The following IGF2BP2 variants were observed in gnomAD, a reference collection of about 807,000 sequenced individuals.
IGF2BP2 encodes insulin like growth factor 2 mRNA binding protein 2, also known as insulin-like growth factor 2 mRNA-binding protein 2.
In IGF2BP2, 17 loss-of-function variants were observed where a neutral mutation model predicts 75.8. The ratio of observed to expected loss-of-function variants is 0.22; its 90% CI spans 0.15 to 0.34. IGF2BP2 has a LOEUF of 0.34. Among genes scored for constraint, IGF2BP2 ranks in the 10% least tolerant of loss-of-function variants. The pLI is 1.00. For synonymous variants in IGF2BP2, 288 were observed against 295.6 expected, an observed-to-expected ratio of 0.97 and a Z score of 0.26; for missense variants, 516 against 772.4, an observed-to-expected ratio of 0.67 and a Z score of 3.93.
At chr3:185,791,055 GGAGTTTCTA>G (rs1736579954) in intron 2 of IGF2BP2, among the ~76,000 whole-genome samples, 1 of 152,174 alleles carries the variant, frequency 6.6e-6, no homozygotes, top group South Asian at 2.1e-4. Context: ...TAAAATAGCA[GGAGTTTCTA>G]GATGACAATT....
intron 2 of IGF2BP2, among the ~76,000 whole-genome samples, chr3:185,755,577 A>C (rs534347653): frequency 6.6e-6 from 1 of 152,344 alleles, no homozygotes; most frequent in Admixed American, 6.5e-5. Context: ...GAGAGCAGCC[A>C]TGTGGGCTGT....
At position 185,644,751 on chromosome 3, in the gene IGF2BP2, G is replaced by A. The variant is rs765706583; in HGVS notation, c.*780C>T. ...AAAAAACCAGTTTAAAACCTGTGAAGCAAAGAGAAATGGGTGTATGAGCTA... is the reference window on the plus strand; with the variant it reads ...AAAAAACCAGTTTAAAACCTGTGAAACAAAGAGAAATGGGTGTATGAGCTA... On this transcript the variant is annotated 3_prime_UTR_variant, in exon 16 of 16. Coordinates refer to ENST00000382199, the MANE Select transcript of IGF2BP2 (RefSeq NM_006548.6). 6.6e-6 allele frequency: 1 copy of A among 152,666 alleles called. No individual in the cohort carries two copies. Among genetic ancestry groups the A allele is most frequent in the Non-Finnish European group, 1.5e-5 (1 of 68,048 alleles). The allele number at this position is 152,666 out of a possible 1,614,324, so 9.5% of individuals were successfully genotyped here.
chr3:185,654,412 C>A (rs952503298), intron 12 of IGF2BP2, among the ~76,000 whole-genome samples: 1 of 152,196 alleles, frequency 6.6e-6, no homozygotes, highest in Non-Finnish European at 1.5e-5. Flanking sequence ...CAAGAGAGAG[C>A]AGATCATGGC....
chr3:185,760,491 C>G (rs1356187911), intron 2 of IGF2BP2, among the ~76,000 whole-genome samples: 2 of 152,216 alleles, frequency 1.3e-5, no homozygotes, highest in Admixed American at 1.3e-4. Context: ...TATTTAACTT[C>G]TGAACATTTC....
At chr3:185,683,790 C>T (rs1042898547) in intron 7 of IGF2BP2, among the ~76,000 whole-genome samples, 2 of 152,140 alleles carry the variant, frequency 1.3e-5, no homozygotes, top group Non-Finnish European at 2.9e-5. Context: ...GGAAGGGATG[C>T]CCTCTCCCTC....
At chr3:185,700,171 A>G (rs1254561002) in intron 2 of IGF2BP2, among the ~76,000 whole-genome samples, 1 of 152,064 alleles carries the variant, frequency 6.6e-6, no homozygotes, top group Non-Finnish European at 1.5e-5. Context: ...ACAGCCCCAG[A>G]GAGAAATGTT....
In IGF2BP2 at chr3:185,730,422, A is replaced by G. The variant is rs1278751910; in HGVS notation, c.240-32075T>C. ...GGTACGATGATAAACATACAAGCGCAGGTGTCTTTTTTTTTTTTTTTTTTT... is the reference window on the plus strand; with the variant it reads ...GGTACGATGATAAACATACAAGCGCGGGTGTCTTTTTTTTTTTTTTTTTTT... On this transcript the variant is annotated intron_variant, in intron 2 of 15. Coordinates refer to ENST00000382199, the MANE Select transcript of IGF2BP2 (RefSeq NM_006548.6). Among the ~76,000 whole-genome samples the G allele has an allele frequency of 2.8e-5, 4 of 144,594 alleles. No homozygotes were observed. The East Asian group carries it at 6.1e-4, about 22-fold the overall frequency. 94.9% of individuals were successfully genotyped at this position (144,594 alleles called of 152,430 possible).
chr3:185,745,577 G>A (rs1028589944), intron 2 of IGF2BP2, among the ~76,000 whole-genome samples: 1 of 152,132 alleles, frequency 6.6e-6, no homozygotes, highest in Non-Finnish European at 1.5e-5. Context: ...ACCAAGAGAC[G>A]GCAAGAATGC....
intron 2 of IGF2BP2, among the ~76,000 whole-genome samples, chr3:185,781,727 TTTTG>T (rs1735224144): frequency 1.3e-5 from 2 of 152,250 alleles, no homozygotes; most frequent in South Asian, 2.1e-4. Context: ...TTTCTAAGAA[TTTTG>T]TTTGTTTGCT....
chr3:185,652,037 T>G, intron 13 of IGF2BP2, 57 bp downstream of exon 13: 1 of 1,404,240 alleles, frequency 7.1e-7, no homozygotes, highest in Non-Finnish European at 9.9e-7. Context: ...AATGTGCCTC[T>G]GAGGTGGCTG....
chr3:185,749,414 G>A (rs912502034), intron 2 of IGF2BP2, among the ~76,000 whole-genome samples: 2 of 152,198 alleles, frequency 1.3e-5, no homozygotes, highest in Admixed American at 1.3e-4. Context: ...TTGTTGATTA[G>A]ACAGTAACAA....
At chr3:185,741,948 T>C (rs749467455) in intron 2 of IGF2BP2, among the ~76,000 whole-genome samples, 23 of 152,208 alleles carry the variant, frequency 1.5e-4, no homozygotes, top group Non-Finnish European at 3.1e-4. Context: ...TACTTCTTCA[T>C]GTTAGCCAAC....
chr3:185,643,421 A>G lies in IGF2BP2; in HGVS notation c.*2110T>C, dbSNP rs139645642. On this transcript the variant is annotated 3_prime_UTR_variant, in exon 16 of 16. Coordinates refer to ENST00000382199, the MANE Select transcript of IGF2BP2 (RefSeq NM_006548.6). ...GTTCGGAAACTTCAGTGCGCACAGCAATCACCCAGAGGCCTTGCTGAAAAG... is the reference window on the plus strand; with the variant it reads ...GTTCGGAAACTTCAGTGCGCACAGCGATCACCCAGAGGCCTTGCTGAAAAG... Among the ~76,000 whole-genome samples the G allele has an allele frequency of 1.3e-5, 2 of 152,344 alleles. No individual in the cohort carries two copies. Among genetic ancestry groups the G allele is most frequent in the African/African-American group, 4.8e-5 (2 of 41,574 alleles).
At chr3:185,738,958 T>C (rs1226044455) in intron 2 of IGF2BP2, among the ~76,000 whole-genome samples, 1 of 152,138 alleles carries the variant, frequency 6.6e-6, no homozygotes. Flanking sequence ...TCCTACAAAA[T>C]TAAATCAATT....
At chr3:185,750,773 T>C (rs1008414237) in intron 2 of IGF2BP2, among the ~76,000 whole-genome samples, 1 of 152,206 alleles carries the variant, frequency 6.6e-6, no homozygotes, top group Non-Finnish European at 1.5e-5. Context: ...CCCCTTCACC[T>C]GTGTACTTTT....
At chr3:185,715,216 G>C (rs554239782) in intron 2 of IGF2BP2, among the ~76,000 whole-genome samples, 1 of 152,234 alleles carries the variant, frequency 6.6e-6, no homozygotes. Context: ...GCACACAAAG[G>C]CATGGCAGCC....
intron 2 of IGF2BP2, among the ~76,000 whole-genome samples, chr3:185,723,661 CCAAACTTGTGTATGACACA>C (rs1726900296): frequency 6.6e-6 from 1 of 152,198 alleles, no homozygotes; most frequent in Non-Finnish European, 1.5e-5. Context: ...GCTGAGAGCT[CCAAACTTGTGTATGACACA>C]CAGTTTCTTC....
At chr3:185,745,776 T>C (rs895207362) in intron 2 of IGF2BP2, among the ~76,000 whole-genome samples, 8 of 150,214 alleles carry the variant, frequency 5.3e-5, no homozygotes, top group African/African-American at 1.2e-4. Flanking sequence ...GTGCACAGCA[T>C]AGCTGCTGCC....
intron 7 of IGF2BP2, among the ~76,000 whole-genome samples, chr3:185,686,380 G>A (rs1319035972): frequency 3.3e-5 from 5 of 149,290 alleles, no homozygotes; most frequent in Admixed American, 2.0e-4. Flanking sequence ...GTGAGACTCT[G>A]TCTTAAAAAA....
Sources: allele counts gnomAD v4.1 joint callset (sites outside exome capture counted in the v4.1 genomes callset), GRCh38; gene constraint gnomAD v4.1.1; transcripts MANE v1.5; gene names NCBI Gene and HGNC (gene_info 2026-07-23, HGNC 2026-07-21).